SENP7: variants seen among roughly 807,000 people sequenced by gnomAD.
The protein encoded by SENP7 is SUMO specific peptidase 7.
Under a neutral mutation model 141.2 loss-of-function variants are expected in SENP7, and 64 were observed. The ratio of observed to expected loss-of-function variants is 0.45; its 90% confidence interval spans 0.37 to 0.56. The LOEUF (loss-of-function observed/expected upper bound fraction) is 0.56, where lower values mean the gene tolerates loss of function less well. Among genes scored for constraint, SENP7 ranks in the 20% least tolerant of loss-of-function variants. SENP7 has a pLI of 0.00. For missense variants in SENP7, 1,025 were observed against 1,212.2 expected (o/e 0.85, Z 2.29); for synonymous variants, 382 against 426.4 (o/e 0.90, Z 1.28).
chr3:101,368,656 C>T (rs1029639847), intron 7 of SENP7, among the ~76,000 whole-genome samples: 1 of 151,660 alleles, frequency 6.6e-6, no homozygotes, highest in African/African-American at 2.4e-5. Flanking sequence ...GGGTGCAGCA[C>T]ACCAACATGG....
intron 2 of SENP7, among the ~76,000 whole-genome samples, chr3:101,495,126 A>G (rs1206411310): frequency 6.6e-6 from 1 of 152,060 alleles, no homozygotes; most frequent in Non-Finnish European, 1.5e-5. Context: ...ATGAACAAAC[A>G]GTTCTTAAAG....
At chr3:101,443,006 A>C (rs997173862) in intron 4 of SENP7, among the ~76,000 whole-genome samples, 1 of 152,226 alleles carries the variant, frequency 6.6e-6, no homozygotes, top group Non-Finnish European at 1.5e-5. Flanking sequence ...TTGGTGTTTT[A>C]GACACGAAGT....
intron 3 of SENP7, among the ~76,000 whole-genome samples, chr3:101,469,057 G>A (rs1455246266): frequency 6.6e-6 from 1 of 152,096 alleles, no homozygotes; most frequent in African/African-American, 2.4e-5. Flanking sequence ...AAAAGCAGGG[G>A]TTGCAATCCT....
At chr3:101,388,684 A>T (rs772765192) in intron 6 of SENP7, among the ~76,000 whole-genome samples, 6 of 152,184 alleles carry the variant, frequency 3.9e-5, no homozygotes, top group Admixed American at 1.3e-4. Flanking sequence ...AAGAATTCAA[A>T]ATAATGATTT....
At chr3:101,506,796 T>C (rs959241827) in intron 1 of SENP7, among the ~76,000 whole-genome samples, 8 of 152,382 alleles carry the variant, frequency 5.2e-5, no homozygotes, top group Admixed American at 2.0e-4. Context: ...CTCATGCCTA[T>C]AATCCCAGCA....
intron 20 of SENP7, 140 bp downstream of exon 20, chr3:101,330,194 A>T: frequency 1.8e-6 from 1 of 541,672 alleles, no homozygotes; most frequent in South Asian, 3.6e-5. Flanking sequence ...CCCCAGCCCC[A>T]CAAAAACTGT....
At chr3:101,371,359 A>G (rs905857947) in intron 7 of SENP7, among the ~76,000 whole-genome samples, 1 of 152,226 alleles carries the variant, frequency 6.6e-6, no homozygotes, top group Non-Finnish European at 1.5e-5. Context: ...AAGAGACTTC[A>G]ACAACATTTG....
chr3:101,374,288 A>G (rs1430210636), intron 6 of SENP7, among the ~76,000 whole-genome samples: 1 of 152,184 alleles, frequency 6.6e-6, no homozygotes, highest in African/African-American at 2.4e-5. Context: ...ATCTAACACC[A>G]TCTACAAAAA....
At chr3:101,493,067 T>TA (rs1300440655) in intron 3 of SENP7, among the ~76,000 whole-genome samples, 1 of 152,030 alleles carries the variant, frequency 6.6e-6, no homozygotes, top group Non-Finnish European at 1.5e-5. Flanking sequence ...TATGCAGCCA[T>TA]AAAAAAGAAT....
intron 14 of SENP7, among the ~76,000 whole-genome samples, chr3:101,342,028 A>G (rs895496020): frequency 2.0e-5 from 3 of 152,234 alleles, no homozygotes; most frequent in African/African-American, 7.2e-5. Context: ...AAAGAAGAAT[A>G]TAACAATTTT....
intron 4 of SENP7, among the ~76,000 whole-genome samples, chr3:101,430,939 C>T (rs1247499737): frequency 6.6e-6 from 1 of 152,184 alleles, no homozygotes; most frequent in African/African-American, 2.4e-5. Context: ...TCGTTATTTA[C>T]CCAGCAGTCA....
rs143213210 is a variant in SENP7 at position 101,355,180 on chromosome 3, C to T, written c.1624-3529G>A. Among the ~76,000 whole-genome samples the T allele has an allele frequency of 6.1e-3, 923 of 152,100 alleles. 6 individuals are homozygous for T. Among genetic ancestry groups the T allele is most frequent in the African/African-American group, 0.021 (890 of 41,534 alleles). On this transcript the variant is annotated intron_variant, in intron 11 of 23. Coordinates refer to ENST00000394095, the MANE Select transcript of SENP7 (RefSeq NM_020654.5). Reference sequence around the variant, plus strand: ...TTCTGTAGGTTGTCTGTTTACTCTGCTGATAGTTTCTTTTGCTGTGCAGAA... The same window carrying T: ...TTCTGTAGGTTGTCTGTTTACTCTGTTGATAGTTTCTTTTGCTGTGCAGAA...
In SENP7 at chr3:101,417,780, C is replaced by T. The variant is rs756578557; in HGVS notation, c.295G>A (p.Val99Ile). The change falls in exon 5 of 24, where the codon GTT (valine) becomes ATT (isoleucine). Residue 99 changes from valine (V) to isoleucine (I), a missense_variant. By Grantham distance (29) the Val-to-Ile change is conservative (BLOSUM62 3). This residue lies in a region of SENP7 where 496 missense variants were observed against 503.5 expected (regional missense o/e 0.99). Coordinates refer to ENST00000394095, the MANE Select transcript of SENP7 (RefSeq NM_020654.5). ...GTCCATAGGACATTCGTCAACATAA[C>T]TTTGAGTTGCCTGTTATACACATAA... ...SKSSPERQLK[V>I]MLTNVLWTDL... 4 of 1,613,348 alleles carry T rather than the reference C, an allele frequency of 2.5e-6. No homozygotes were observed. Among genetic ancestry groups the T allele is most frequent in the Non-Finnish European group, 2.5e-6 (3 of 1,179,308 alleles).
intron 7 of SENP7, among the ~76,000 whole-genome samples, chr3:101,369,374 C>T (rs1455568563): frequency 6.6e-6 from 1 of 152,142 alleles, no homozygotes; most frequent in African/African-American, 2.4e-5. Context: ...CTTGCTTTTA[C>T]TGTAGCTTCA....
Position 101,341,630 on chromosome 3 carries a change from C to T in SENP7, c.2240+16G>A, listed in dbSNP as rs746693199. 1 of 1,554,866 alleles carries T rather than the reference C, an allele frequency of 6.4e-7. No individual in the cohort carries two copies. Among genetic ancestry groups the T allele is most frequent in the Non-Finnish European group, 8.8e-7 (1 of 1,139,402 alleles). On this transcript the variant is annotated intron_variant, in intron 15 of 23. Coordinates refer to ENST00000394095, the MANE Select transcript of SENP7 (RefSeq NM_020654.5). ...AATATGCCCATCTACTACAAACATG[C>T]TATGACAGTACATACTTCTGAACAA...
At chr3:101,441,375 C>T (rs568885096) in intron 4 of SENP7, among the ~76,000 whole-genome samples, 7 of 152,182 alleles carry the variant, frequency 4.6e-5, no homozygotes, top group African/African-American at 1.2e-4. Context: ...AAACAGTATC[C>T]GCAGGCACTG....
At chr3:101,425,242 A>G (rs1264477179) in intron 4 of SENP7, among the ~76,000 whole-genome samples, 2 of 152,212 alleles carry the variant, frequency 1.3e-5, no homozygotes, top group Non-Finnish European at 2.9e-5. Flanking sequence ...GAAATGCTTT[A>G]GCTGACACCA....
At chr3:101,496,037 T>C (rs1401904628) in intron 2 of SENP7, among the ~76,000 whole-genome samples, 2 of 152,190 alleles carry the variant, frequency 1.3e-5, no homozygotes, top group Middle Eastern at 3.2e-3. Context: ...GTTCATGATA[T>C]ATAGGTAAGT....
intron 4 of SENP7, among the ~76,000 whole-genome samples, chr3:101,433,057 C>T (rs1262687419): frequency 6.6e-6 from 1 of 152,024 alleles, no homozygotes; most frequent in Non-Finnish European, 1.5e-5. Flanking sequence ...AATAACTTTT[C>T]AAGACAGTCA....
Sources: gnomAD v4.1 joint callset for allele counts (sites outside exome capture counted in the v4.1 genomes callset) on GRCh38, gnomAD v4.1.1 for gene constraint, gnomAD v4.1.1 regional missense constraint, MANE v1.5 for transcripts, NCBI Gene and HGNC (gene_info 2026-07-23, HGNC 2026-07-21) for gene names.